GALNT18: variants seen among roughly 807,000 people sequenced by gnomAD.
GALNT18 encodes polypeptide N-acetylgalactosaminyltransferase 18.
In GALNT18, 44 loss-of-function variants were observed where a neutral mutation model predicts 69.5. The observed-to-expected ratio is 0.63, with a 90% confidence interval of 0.50 to 0.81. The LOEUF (loss-of-function observed/expected upper bound fraction) is 0.81, where lower values mean the gene tolerates loss of function less well. GALNT18 is among the 40% of genes least tolerant of loss of function. The probability of loss-of-function intolerance (pLI) is 0.00; values close to 1 mark genes in which losing one functional copy is unlikely to be tolerated. For synonymous variants in GALNT18, 364 were observed against 318.2 expected (o/e 1.14, Z -1.53); for missense variants, 715 against 810.0 (o/e 0.88, Z 1.42).
At chr11:11,525,826 G>A (rs540816882) in intron 1 of GALNT18, among the ~76,000 whole-genome samples, 128 of 151,940 alleles carry the variant, frequency 8.4e-4, no homozygotes, top group Non-Finnish European at 1.5e-3. Context: ...TAGAGACAGG[G>A]TTTCTCCATG....
At position 11,470,980 on chromosome 11, in the gene GALNT18, A is replaced by G. The variant is rs1856254755; in HGVS notation, c.236-22044T>C. On this transcript the variant is annotated intron_variant, in intron 1 of 10. Transcript: ENST00000227756. The surrounding 1 kb of genome is among the most constrained non-coding windows in gnomAD (Gnocchi z 4.8). ...CCCATTCATACTCAGGGGCCCGGGC[A>G]CATCAATATCCCTCTTTCTCCTGTA... Among the ~76,000 whole-genome samples the G allele has an allele frequency of 6.6e-6, 1 of 152,072 alleles. No individual in the cohort carries two copies. Among genetic ancestry groups the G allele is most frequent in the African/African-American group, 2.4e-5 (1 of 41,410 alleles).
intron 1 of GALNT18, among the ~76,000 whole-genome samples, chr11:11,450,098 G>A (rs553541720): frequency 8.9e-4 from 136 of 152,322 alleles, no homozygotes; most frequent in Non-Finnish European, 1.6e-3. Flanking sequence ...CCACTGGACA[G>A]GGTCGTCTAT....
intron 3 of GALNT18, among the ~76,000 whole-genome samples, chr11:11,394,553 C>T (rs996818519): frequency 9.9e-5 from 15 of 152,226 alleles, no homozygotes; most frequent in African/African-American, 3.4e-4. Context: ...AAAAACTCTA[C>T]TGTAGCAGCA....
chr11:11,614,567 A>G lies in GALNT18; in HGVS notation c.235+6792T>C, dbSNP rs773340310. ...TCAACATGAGATTTGGAGGGTACAA[A>G]CATTCAAGCATATCAAGCACATTCA... On this transcript the variant is annotated intron_variant, in intron 1 of 10. Coordinates refer to ENST00000227756, the MANE Select transcript of GALNT18 (RefSeq NM_198516.3). This position sits in a 1 kb window ranked among gnomAD's most constrained non-coding sequence, Gnocchi z 5.6. Among the ~76,000 whole-genome samples, 35 of 152,336 alleles carry G rather than the reference A, an allele frequency of 2.3e-4. 1 individual carries two copies. The highest frequency in any genetic ancestry group is 4.0e-4 in the Non-Finnish European group (27 of 68,042).
rs10577248 is a variant in GALNT18 at position 11,463,209 on chromosome 11, GAC to G, written c.236-14275_236-14274del. Among the ~76,000 whole-genome samples, 105,014 of 149,938 alleles carry G rather than the reference GAC, an allele frequency of 0.7. 36,797 individuals are homozygous for G. The highest frequency in any genetic ancestry group is 0.79 in the South Asian group (3,758 of 4,728). The stretch of plus-strand genomic sequence containing the variant: ...ACATACACACTCAGACAGACAGACA[GAC>G]ACACACACACACACAGAGAGAGAGA... On this transcript the variant is annotated intron_variant, in intron 1 of 10. Transcript: ENST00000227756. The surrounding 1 kb of genome is among the most constrained non-coding windows in gnomAD (Gnocchi z 4.2).
At position 11,288,848 on chromosome 11, in the gene GALNT18, A is replaced by G. The variant is rs548962083; in HGVS notation, c.1677+4181T>C. 1.9e-3 allele frequency among the ~76,000 whole-genome samples: 283 copies of G among 150,758 alleles called. 3 individuals are homozygous for G. Among genetic ancestry groups the G allele is most frequent in the African/African-American group, 6.6e-3 (266 of 40,116 alleles). On this transcript the variant is annotated intron_variant, in intron 10 of 10. Coordinates refer to ENST00000227756, the MANE Select transcript of GALNT18 (RefSeq NM_198516.3). ...GGAACACTAAGATATGCAAATGCCTATCTATCTTCTTGGTAGGAGAACCTG... is the reference window on the plus strand; with the variant it reads ...GGAACACTAAGATATGCAAATGCCTGTCTATCTTCTTGGTAGGAGAACCTG...
At chr11:11,365,046 AT>A (rs1850731948) in intron 6 of GALNT18, among the ~76,000 whole-genome samples, 2 of 152,046 alleles carry the variant, frequency 1.3e-5, no homozygotes. Context: ...TCTTCTAAAA[AT>A]GGGATACGAG....
chr11:11,273,952 C>T (rs533651773), intron 10 of GALNT18, among the ~76,000 whole-genome samples: 12 of 152,172 alleles, frequency 7.9e-5, no homozygotes, highest in East Asian at 3.9e-4. Context: ...ATGCAGAAGG[C>T]GGGTGATTTC....
chr11:11,391,857 G>T lies in GALNT18; in HGVS notation c.596-12593C>A, dbSNP rs544348071. 2.6e-5 allele frequency among the ~76,000 whole-genome samples: 4 copies of T among 152,362 alleles called. No individual in the cohort carries two copies. The South Asian group carries it at 8.3e-4, about 32-fold the overall frequency. ...AGCAGGCATCTGGGCAACTGGAAGC[G>T]CTGTGCACACCTAAGAGGTAAGGCC... On this transcript the variant is annotated intron_variant, in intron 3 of 10. Transcript: ENST00000227756.
intron 1 of GALNT18, among the ~76,000 whole-genome samples, chr11:11,471,964 G>A (rs550508738): frequency 1.6e-4 from 24 of 152,346 alleles, no homozygotes; most frequent in African/African-American, 5.5e-4. Flanking sequence ...GAGTGATGGG[G>A]ACATGGCTGA....
chr11:11,399,498 A>G (rs1016772269), intron 3 of GALNT18, among the ~76,000 whole-genome samples: 1 of 152,228 alleles, frequency 6.6e-6, no homozygotes. Context: ...CAATAAATAC[A>G]TCACATTTCT....
chr11:11,474,982 C>G (rs1331979488), intron 1 of GALNT18, among the ~76,000 whole-genome samples: 1 of 152,130 alleles, frequency 6.6e-6, no homozygotes, highest in African/African-American at 2.4e-5. Flanking sequence ...AGCAAAATGT[C>G]CCTGAGTCTG....
rs760643052 is a variant in GALNT18, at chr11:11,327,109, T to C, written c.1489A>G (p.Ile497Val). ...PDTENVPIMY[I>V]CHGMTPQNVY... ...ACCTGAGGCGTCATCCCATGGCAGATGTACATGATGGGGACATTCTCTGTA... is the reference window on the plus strand; with the variant it reads ...ACCTGAGGCGTCATCCCATGGCAGACGTACATGATGGGGACATTCTCTGTA... The change falls in exon 9 of 11, where the codon ATC (isoleucine) becomes GTC (valine). Residue 497 changes from isoleucine to valine, a missense_variant. By Grantham distance (29) the Ile-to-Val change is conservative. Coordinates refer to ENST00000227756, the MANE Select transcript of GALNT18 (RefSeq NM_198516.3). 15 of 1,613,650 alleles carry C rather than the reference T, an allele frequency of 9.3e-6. No individual in the cohort carries two copies. The highest frequency in any genetic ancestry group is 1.3e-5 in the Non-Finnish European group (15 of 1,179,576).
chr11:11,546,038 A>G lies in GALNT18; in HGVS notation c.235+75321T>C, dbSNP rs1858046426. Among the ~76,000 whole-genome samples the G allele has an allele frequency of 6.6e-6, 1 of 152,198 alleles. No individual in the cohort carries two copies. The highest frequency in any genetic ancestry group is 2.1e-4 in the South Asian group (1 of 4,826). Reference sequence around the variant, plus strand: ...GGTTCCCAGCTTTAGAACATTGGCAAACAAGCAGGATTAGGCCCCTCTTCT... The same window carrying G: ...GGTTCCCAGCTTTAGAACATTGGCAGACAAGCAGGATTAGGCCCCTCTTCT... On this transcript the variant is annotated intron_variant, in intron 1 of 10. Coordinates refer to ENST00000227756, the MANE Select transcript of GALNT18 (RefSeq NM_198516.3). This position sits in a 1 kb window ranked among gnomAD's most constrained non-coding sequence, Gnocchi z 5.8.
intron 1 of GALNT18, among the ~76,000 whole-genome samples, chr11:11,544,700 G>T (rs1238480054): frequency 6.6e-6 from 1 of 152,198 alleles, no homozygotes; most frequent in Admixed American, 6.5e-5. Flanking sequence ...TGTCCTAAAT[G>T]CATCACAATT....
At chr11:11,474,110 A>T (rs561710465) in intron 1 of GALNT18, among the ~76,000 whole-genome samples, 3 of 152,310 alleles carry the variant, frequency 2.0e-5, no homozygotes, top group Non-Finnish European at 4.4e-5. Context: ...AAACAAACCA[A>T]GACATTAAGT....
intron 3 of GALNT18, among the ~76,000 whole-genome samples, chr11:11,397,488 AG>A (rs1564928426): frequency 2.0e-5 from 3 of 152,288 alleles, no homozygotes; most frequent in African/African-American, 7.2e-5. Context: ...TTTTTGAGAC[AG>A]GGTTCACTCT....
At position 11,511,777 on chromosome 11, in the gene GALNT18, A is replaced by G. The variant is rs1161344519; in HGVS notation, c.236-62841T>C. On this transcript the variant is annotated intron_variant, in intron 1 of 10. Transcript: ENST00000227756. This position sits in a 1 kb window ranked among gnomAD's most constrained non-coding sequence, Gnocchi z 4.9. ...TCTCCCAGTCTCTTTTTGCCATGTGAGGATACAATGAGAAGTTGGCAGTAA... is the reference window on the plus strand; with the variant it reads ...TCTCCCAGTCTCTTTTTGCCATGTGGGGATACAATGAGAAGTTGGCAGTAA... Among the ~76,000 whole-genome samples the G allele has an allele frequency of 6.6e-6, 1 of 152,142 alleles. No homozygotes were observed. The highest frequency in any genetic ancestry group is 1.5e-5 in the Non-Finnish European group (1 of 68,022).
At chr11:11,299,324 T>G (rs576778682) in intron 9 of GALNT18, among the ~76,000 whole-genome samples, 1 of 152,088 alleles carries the variant, frequency 6.6e-6, no homozygotes. Context: ...TTTTTTACTT[T>G]TAGTAGGGAC....
Sources: allele counts gnomAD v4.1 joint callset (sites outside exome capture counted in the v4.1 genomes callset), GRCh38; gene constraint gnomAD v4.1.1; non-coding constraint Gnocchi (gnomAD v3.1); transcripts MANE v1.5; gene names NCBI Gene and HGNC (gene_info 2026-07-23, HGNC 2026-07-21).